Variants in EBF1 observed in about 807,000 individuals in gnomAD.
EBF1 encodes the protein transcription factor COE1.
EBF1 carries 10 observed loss-of-function variants against 68.4 expected under a neutral mutation model. The observed-to-expected ratio is 0.15, with a 90% CI of 0.09 to 0.25. The LOEUF (loss-of-function observed/expected upper bound fraction) is 0.25. Ranked by LOEUF, EBF1 falls within the 10% of genes least tolerant of loss-of-function variation. The pLI is 1.00. For missense variants in EBF1, 509 were observed against 794.4 expected, an observed-to-expected ratio of 0.64 and a Z score of 4.32; for synonymous variants, 298 against 299.8, an observed-to-expected ratio of 0.99 and a Z score of 0.06.
At chr5:159,098,787 G>T (rs1053494305) in intron 1 of EBF1, among the ~76,000 whole-genome samples, 3 of 120,810 alleles carry the variant, frequency 2.5e-5, no homozygotes, top group Non-Finnish European at 3.3e-5. Context: ...GAGAAGAGAA[G>T]AAAATAAAGG....
chr5:158,807,079 C>T (rs1437610795), intron 8 of EBF1, among the ~76,000 whole-genome samples: 2 of 152,156 alleles, frequency 1.3e-5, no homozygotes, highest in Non-Finnish European at 2.9e-5. Context: ...TAGGACACTT[C>T]CATCATCACA....
At chr5:159,032,883 G>A (rs1584113486) in intron 6 of EBF1, among the ~76,000 whole-genome samples, 1 of 151,834 alleles carries the variant, frequency 6.6e-6, no homozygotes, top group South Asian at 2.1e-4. Context: ...CTATTTAAAG[G>A]AGCCCCACAC....
chr5:158,970,125 T>C (rs1051791277), intron 6 of EBF1, among the ~76,000 whole-genome samples: 1 of 152,178 alleles, frequency 6.6e-6, no homozygotes, highest in Non-Finnish European at 1.5e-5. Flanking sequence ...GTTCCACTAA[T>C]GAATCTTATA....
At chr5:159,031,489 A>T (rs540528899) in intron 6 of EBF1, among the ~76,000 whole-genome samples, 71 of 152,100 alleles carry the variant, frequency 4.7e-4, no homozygotes, top group Admixed American at 4.6e-3. Flanking sequence ...TCTTACACGT[A>T]TTTACTAGCA....
In EBF1 at chr5:158,719,154, A is replaced by T. The variant is rs116610513; in HGVS notation, c.1126-4972T>A. 4.1e-3 allele frequency among the ~76,000 whole-genome samples: 626 copies of T among 152,328 alleles called. 1 individual carries two copies. The highest frequency in any genetic ancestry group is 0.01 in the Middle Eastern group (3 of 294). ...AGCTACAGACTCTTAAATCCAATAT[A>T]TAAATTCCCAAAGGTCAAGTTTTGA... On this transcript the variant is annotated intron_variant, in intron 11 of 15. Coordinates refer to ENST00000313708, the MANE Select transcript of EBF1 (RefSeq NM_024007.5).
intron 15 of EBF1, among the ~76,000 whole-genome samples, chr5:158,705,191 G>A (rs1581165440): frequency 6.6e-6 from 1 of 152,246 alleles, no homozygotes; most frequent in East Asian, 1.9e-4. Flanking sequence ...ATGTTGGCCA[G>A]GCTGGTCTCA....
At chr5:158,787,508 ATT>A (rs147319447) in intron 9 of EBF1, among the ~76,000 whole-genome samples, 1,892 of 152,244 alleles carry the variant, frequency 0.012, 135 homozygotes, top group Admixed American at 0.11. Context: ...TTCATGCTGA[ATT>A]TTAGGGAGTT....
chr5:159,081,698 A>T (rs576078161), intron 5 of EBF1, among the ~76,000 whole-genome samples: 1 of 152,228 alleles, frequency 6.6e-6, no homozygotes, highest in Non-Finnish European at 1.5e-5. Context: ...TGAGGGAAAG[A>T]GGTCTTTCTT....
intron 5 of EBF1, among the ~76,000 whole-genome samples, chr5:159,074,943 G>C (rs1778471400): frequency 6.6e-6 from 1 of 152,204 alleles, no homozygotes; most frequent in Non-Finnish European, 1.5e-5. Context: ...AGTTGAAGCA[G>C]TGGAAAGTAC....
In EBF1 at chr5:158,776,576, T is replaced by A. The variant is rs189731650; in HGVS notation, c.1036+837A>T. On this transcript the variant is annotated intron_variant, in intron 10 of 15. Transcript: ENST00000313708. Reference sequence around the variant, plus strand: ...AATGGAAAAGGAAACCTGGGACTAGTTCGTGGAGACAGCTACCACTATCCA... The same window carrying A: ...AATGGAAAAGGAAACCTGGGACTAGATCGTGGAGACAGCTACCACTATCCA... 7.9e-5 allele frequency among the ~76,000 whole-genome samples: 12 copies of A among 152,196 alleles called. No individual in the cohort carries two copies. In the East Asian group the frequency reaches 2.1e-3, roughly 27 times the overall value.
chr5:158,917,511 A>C (rs772265982), intron 6 of EBF1, among the ~76,000 whole-genome samples: 3 of 152,242 alleles, frequency 2.0e-5, no homozygotes, highest in African/African-American at 7.2e-5. Flanking sequence ...CTCAAGGGTC[A>C]TGTGCAAACC....
intron 14 of EBF1, among the ~76,000 whole-genome samples, chr5:158,709,322 C>T (rs1411451098): frequency 1.4e-5 from 2 of 144,084 alleles, no homozygotes; most frequent in African/African-American, 5.7e-5. Flanking sequence ...GGGCCTATCA[C>T]ATATATTTTT....
intron 6 of EBF1, among the ~76,000 whole-genome samples, chr5:159,000,256 T>A (rs1169060368): frequency 1.3e-5 from 2 of 152,210 alleles, no homozygotes; most frequent in Non-Finnish European, 2.9e-5. Flanking sequence ...ACTAATTTTA[T>A]TAAACTTTTT....
intron 6 of EBF1, among the ~76,000 whole-genome samples, chr5:159,046,070 C>G (rs1258229677): frequency 6.6e-6 from 1 of 152,202 alleles, no homozygotes; most frequent in East Asian, 1.9e-4. Context: ...CCTCTGGGAA[C>G]TGTTCCCTAC....
rs1226917072 is a variant in EBF1 at position 158,941,268 on chromosome 5, G to A, written c.555-101158C>T. 1.3e-5 allele frequency: 6 copies of A among 455,750 alleles called. No homozygotes were observed. In the Admixed American group the frequency reaches 1.4e-4, roughly 11 times the overall value. The allele number at this position is 455,750 out of a possible 1,614,324, so 28.2% of individuals were successfully genotyped here. A position where few individuals can be genotyped will look rare whatever the true frequency, so the allele number is the denominator to read the frequency against. ...GGGTTAGACCCAAACAATGCAGACT[G>A]GAGACGTTGAATCAGGAACACGTAC... On this transcript the variant is annotated intron_variant, in intron 6 of 15. Coordinates refer to ENST00000313708, the MANE Select transcript of EBF1 (RefSeq NM_024007.5).
intron 6 of EBF1, among the ~76,000 whole-genome samples, chr5:158,945,940 A>G (rs1180127208): frequency 6.6e-6 from 1 of 151,952 alleles, no homozygotes; most frequent in Non-Finnish European, 1.5e-5. Flanking sequence ...TTGATCTTCA[A>G]TCTCTGATAT....
chr5:158,711,455 T>G (rs1328865235), intron 14 of EBF1, among the ~76,000 whole-genome samples: 1 of 152,176 alleles, frequency 6.6e-6, no homozygotes, highest in Non-Finnish European at 1.5e-5. Context: ...GCTCACTGTA[T>G]GCGCTATCTT....
At chr5:158,842,351 T>C (rs1008271476) in intron 6 of EBF1, among the ~76,000 whole-genome samples, 2 of 152,204 alleles carry the variant, frequency 1.3e-5, no homozygotes, top group African/African-American at 4.8e-5. Context: ...CCATAGACAC[T>C]GAAGACATGA....
intron 6 of EBF1, among the ~76,000 whole-genome samples, chr5:159,050,202 C>CT (rs1773297812): frequency 6.8e-6 from 1 of 147,756 alleles, no homozygotes; most frequent in South Asian, 2.2e-4. Flanking sequence ...CTCTCTCTCT[C>CT]CTCTCCTCCC....
Sources: allele counts gnomAD v4.1 joint callset (sites outside exome capture counted in the v4.1 genomes callset), GRCh38; gene constraint gnomAD v4.1.1; transcripts MANE v1.5; gene names NCBI Gene and HGNC (gene_info 2026-07-23, HGNC 2026-07-21).